The following SPATA13 variants were observed in gnomAD, a reference collection of about 807,000 sequenced individuals.
SPATA13 encodes the protein spermatogenesis associated 13, also known as spermatogenesis-associated protein 13.
SPATA13 carries 50 observed loss-of-function variants against 104.0 expected under a neutral mutation model. That is an observed-to-expected ratio of 0.48 (90% CI 0.38 to 0.61). SPATA13 has a LOEUF of 0.61. SPATA13 is among the 20% of genes least tolerant of loss of function. The probability of loss-of-function intolerance (pLI) is 0.00; values close to 1 mark genes in which losing one functional copy is unlikely to be tolerated. For missense variants in SPATA13, 1,524 were observed against 1,690.6 expected, an observed-to-expected ratio of 0.90 and a Z score of 1.73; for synonymous variants, 606 against 667.5, an observed-to-expected ratio of 0.91 and a Z score of 1.42.
intron 3 of SPATA13, among the ~76,000 whole-genome samples, chr13:24,120,388 A>G (rs1331662091): frequency 1.3e-5 from 2 of 152,204 alleles, no homozygotes; most frequent in Admixed American, 6.5e-5. Flanking sequence ...TTTGGGGAAG[A>G]TGTATGGCTA....
chr13:24,278,682 G>C (rs1270671825), intron 4 of SPATA13: 73 of 1,529,318 alleles, frequency 4.8e-5, no homozygotes, highest in Non-Finnish European at 6.1e-5. Flanking sequence ...TGTTCAGAAT[G>C]TATAAACAAC....
At chr13:24,198,683 C>T (rs1221800873) in intron 1 of SPATA13, among the ~76,000 whole-genome samples, 2 of 152,172 alleles carry the variant, frequency 1.3e-5, no homozygotes, top group African/African-American at 4.8e-5. Context: ...GTTTGGTAGT[C>T]TCTTTTTCTT....
intron 3 of SPATA13, among the ~76,000 whole-genome samples, chr13:24,147,231 TAGGCAGA>T: frequency 6.6e-6 from 1 of 152,308 alleles, no homozygotes; most frequent in South Asian, 2.1e-4. Flanking sequence ...TCTCGTACTT[TAGGCAGA>T]ACAGGATGCA....
chr13:24,110,200 A>T (rs865873889), intron 3 of SPATA13, among the ~76,000 whole-genome samples: 3 of 151,734 alleles, frequency 2.0e-5, no homozygotes, highest in Non-Finnish European at 4.4e-5. Flanking sequence ...CACAGAATCA[A>T]TGCAGCTGTG....
intron 1 of SPATA13, among the ~76,000 whole-genome samples, chr13:23,983,350 C>T (rs1874991499): frequency 6.6e-6 from 1 of 152,190 alleles, no homozygotes; most frequent in Admixed American, 6.5e-5. Flanking sequence ...GGACACCAGT[C>T]ATACTGGATT....
At chr13:24,284,060 C>A (rs1260453172) in intron 4 of SPATA13, 75 bp from the exon 5 acceptor site, 1 of 1,514,712 alleles carries the variant, frequency 6.6e-7, no homozygotes, top group African/African-American at 1.4e-5. Flanking sequence ...GAGTATGTTA[C>A]CAAATTTTTT....
Position 24,038,781 on chromosome 13 carries a change from A to G in SPATA13, c.-112+21080A>G, listed in dbSNP as rs1877810003. Among the ~76,000 whole-genome samples the G allele has an allele frequency of 2.6e-5, 4 of 152,328 alleles. No individual in the cohort carries two copies. The South Asian group carries it at 8.3e-4, about 32-fold the overall frequency. ...GAACCTCTGATCTAATTCACAGCTC[A>G]CTAGGACGCAGGAGTTATAGTTGTA... On this transcript the variant is annotated intron_variant, in intron 3 of 14. Transcript: ENST00000424834.
intron 1 of SPATA13, among the ~76,000 whole-genome samples, chr13:24,198,183 C>CG (rs1458882421): frequency 1.3e-5 from 2 of 152,060 alleles, no homozygotes; most frequent in Admixed American, 6.6e-5. Flanking sequence ...TTAGTAGAGA[C>CG]GGGGTTTCAC....
At chr13:24,214,170 T>A (rs1237325558) in intron 1 of SPATA13, among the ~76,000 whole-genome samples, 1 of 152,226 alleles carries the variant, frequency 6.6e-6, no homozygotes, top group Non-Finnish European at 1.5e-5. Flanking sequence ...AGTGCTTCCA[T>A]CTGTGAATCA....
At chr13:24,214,230 T>G (rs999339131) in intron 1 of SPATA13, among the ~76,000 whole-genome samples, 9 of 152,252 alleles carry the variant, frequency 5.9e-5, no homozygotes, top group Non-Finnish European at 1.0e-4. Context: ...GTACATCTTC[T>G]GCACCTCCAT....
chr13:24,102,758 G>A (rs1214326902), intron 3 of SPATA13, among the ~76,000 whole-genome samples: 5 of 152,194 alleles, frequency 3.3e-5, no homozygotes, highest in Admixed American at 3.3e-4. Flanking sequence ...ACAGGCATGA[G>A]CCACCACGCC....
At chr13:24,225,699 AT>A (rs1871895272) in intron 2 of SPATA13, among the ~76,000 whole-genome samples, 1 of 152,150 alleles carries the variant, frequency 6.6e-6, no homozygotes, top group Admixed American at 6.5e-5. Flanking sequence ...TGGGAGGGTT[AT>A]AGTGTTACAA....
At chr13:24,144,647 G>A (rs1053521760) in intron 3 of SPATA13, among the ~76,000 whole-genome samples, 2 of 152,046 alleles carry the variant, frequency 1.3e-5, no homozygotes, top group East Asian at 3.9e-4. Context: ...AGCTCCGTCC[G>A]GGTTGCAGCA....
chr13:24,164,510 T>G (rs529722432), intron 1 of SPATA13, among the ~76,000 whole-genome samples: 39 of 152,300 alleles, frequency 2.6e-4, no homozygotes, highest in Admixed American at 2.5e-3. Flanking sequence ...AGATGGGTGA[T>G]CAGGTACCAT....
chr13:24,205,772 T>A lies in SPATA13; in HGVS notation c.-111-17047T>A, dbSNP rs747846519. Among the ~76,000 whole-genome samples the A allele has an allele frequency of 6.6e-6, 1 of 151,924 alleles. No homozygotes were observed. The highest frequency in any genetic ancestry group is 1.5e-5 in the Non-Finnish European group (1 of 67,952). On this transcript the variant is annotated intron_variant, in intron 1 of 12. Coordinates refer to ENST00000382108, the MANE Select transcript of SPATA13 (RefSeq NM_001166271.3). This position sits in a 1 kb window ranked among gnomAD's most constrained non-coding sequence, Gnocchi z 4.1. ...TGGAACAGAATAGAGAACCCAGAAA[T>A]AAGATCACACACCTACAACTATCTG... is the stretch of plus-strand genomic sequence containing the variant.
chr13:24,077,437 A>G (rs1054136235), intron 3 of SPATA13, among the ~76,000 whole-genome samples: 1 of 152,110 alleles, frequency 6.6e-6, no homozygotes, highest in South Asian at 2.1e-4. Context: ...ACACACGGAC[A>G]TAAAGATGGA....
intron 2 of SPATA13, among the ~76,000 whole-genome samples, chr13:23,990,348 G>A (rs1052749860): frequency 1.3e-5 from 2 of 152,180 alleles, no homozygotes; most frequent in African/African-American, 4.8e-5. Flanking sequence ...TATTAGCATG[G>A]CCTCTGGACT....
upstream of SPATA13, among the ~76,000 whole-genome samples, chr13:24,159,789 G>A (rs1168703644): frequency 1.3e-5 from 2 of 152,094 alleles, no homozygotes; most frequent in African/African-American, 4.8e-5. Context: ...CAGATTGTGG[G>A]TATTGTTCTT....
rs1877567846 is a variant in SPATA13 at position 24,306,223 on chromosome 13, A to G, written c.*3450A>G. The G allele has an allele frequency of 6.6e-6, 1 of 152,242 alleles. No homozygotes were observed. The highest frequency in any genetic ancestry group is 2.4e-5 in the African/African-American group (1 of 41,470). The allele number at this position is 152,242 out of a possible 1,614,324, so 9.4% of individuals were successfully genotyped here. A position where few individuals can be genotyped will look rare whatever the true frequency, so the allele number is the denominator to read the frequency against. ...TTTAATTCAAAATTTGGTTCACAAT[A>G]TAAGTATTTTGTAAAAGCCAGCTGA... On this transcript the variant is annotated 3_prime_UTR_variant, in exon 13 of 13. Transcript: ENST00000382108.
Sources: gnomAD v4.1 joint callset for allele counts (sites outside exome capture counted in the v4.1 genomes callset) on GRCh38, gnomAD v4.1.1 for gene constraint, Gnocchi (gnomAD v3.1) non-coding constraint, MANE v1.5 for transcripts, NCBI Gene and HGNC (gene_info 2026-07-23, HGNC 2026-07-21) for gene names.